SORCS2: variants seen among roughly 807,000 people sequenced by gnomAD.
SORCS2 encodes sortilin related VPS10 domain containing receptor 2.
SORCS2 carries 100 observed loss-of-function variants against 141.6 expected under a neutral mutation model. That is an observed-to-expected ratio of 0.71 (90% CI 0.60 to 0.83). The LOEUF is 0.83. Ranked by LOEUF, SORCS2 falls within the 40% of genes least tolerant of loss-of-function variation. The pLI, the probability that SORCS2 is intolerant of heterozygous loss-of-function variation, is 0.00. For missense variants in SORCS2, 1,646 were observed against 1,560.2 expected, an observed-to-expected ratio of 1.05 and a Z score of -0.93; for synonymous variants, 789 against 676.9, an observed-to-expected ratio of 1.17 and a Z score of -2.57.
intron 3 of SORCS2, among the ~76,000 whole-genome samples, chr4:7,592,419 G>A (rs1467153416): frequency 6.6e-6 from 1 of 152,196 alleles, no homozygotes; most frequent in African/African-American, 2.4e-5. Flanking sequence ...TCAGTGGACA[G>A]CATGACCAGT....
At chr4:7,544,111 TCCATCCAC>T (rs1279258530) in intron 3 of SORCS2, among the ~76,000 whole-genome samples, 2 of 147,994 alleles carry the variant, frequency 1.4e-5, no homozygotes, top group Middle Eastern at 3.6e-3. Context: ...CATCCACCCA[TCCATCCAC>T]CCATCCACTC....
intron 1 of SORCS2, among the ~76,000 whole-genome samples, chr4:7,259,636 C>T (rs900279761): frequency 6.6e-6 from 1 of 152,218 alleles, no homozygotes; most frequent in African/African-American, 2.4e-5. Context: ...GCAGTACCCG[C>T]CTCCCCTCCT....
intron 2 of SORCS2, among the ~76,000 whole-genome samples, chr4:7,444,729 C>T (rs183917230): frequency 3.3e-5 from 5 of 152,250 alleles, no homozygotes; most frequent in African/African-American, 1.2e-4. Context: ...GGGAGCATGC[C>T]GAGGAGGAGT....
intron 4 of SORCS2, among the ~76,000 whole-genome samples, chr4:7,651,141 C>T (rs1184255040): frequency 2.0e-5 from 3 of 152,162 alleles, no homozygotes. Flanking sequence ...TGCAAATGAA[C>T]ACCGAGCCAG....
In SORCS2 at chr4:7,642,149, C is replaced by T. The variant is rs115124181; in HGVS notation, c.813+3657C>T. 7.2e-3 allele frequency among the ~76,000 whole-genome samples: 1,099 copies of T among 152,340 alleles called. 15 individuals carry two copies. Among genetic ancestry groups the T allele is most frequent in the African/African-American group, 0.025 (1,025 of 41,578 alleles). ...AATGGAGATTCCTGGCTGTCCTTTGCCATGGCTCTCGACAGGACCTGGCCT... is the reference window on the plus strand; with the variant it reads ...AATGGAGATTCCTGGCTGTCCTTTGTCATGGCTCTCGACAGGACCTGGCCT... On this transcript the variant is annotated intron_variant, in intron 4 of 26. Coordinates refer to ENST00000507866, the MANE Select transcript of SORCS2 (RefSeq NM_020777.3).
At chr4:7,257,145 T>A (rs148096910) in intron 1 of SORCS2, among the ~76,000 whole-genome samples, 1,937 of 152,174 alleles carry the variant, frequency 0.013, 28 homozygotes, top group Middle Eastern at 0.024. Context: ...CCGGGCTCCC[T>A]CGGGCCCTGG....
chr4:7,240,945 A>T (rs975079422), intron 1 of SORCS2, among the ~76,000 whole-genome samples: 13 of 152,038 alleles, frequency 8.6e-5, no homozygotes, highest in South Asian at 2.1e-4. Flanking sequence ...TATTATTATT[A>T]TTTTTTGAGG....
chr4:7,446,767 CA>C (rs1728029087), intron 2 of SORCS2, among the ~76,000 whole-genome samples: 2 of 152,190 alleles, frequency 1.3e-5, no homozygotes, highest in Admixed American at 1.3e-4. Context: ...CAGTGGCCAC[CA>C]GGGGCAATTG....
intron 11 of SORCS2, among the ~76,000 whole-genome samples, chr4:7,690,168 T>G (rs1045815128): frequency 6.7e-6 from 1 of 149,010 alleles, no homozygotes; most frequent in African/African-American, 2.5e-5. Flanking sequence ...GGTGGATGGA[T>G]GAGTGGATAG....
intron 2 of SORCS2, chr4:7,434,313 C>A (rs750875981): frequency 6.2e-7 from 1 of 1,611,570 alleles, no homozygotes; most frequent in South Asian, 1.1e-5. Flanking sequence ...GGGAGACCTG[C>A]CGTACACAGT....
At chr4:7,317,056 A>G (rs1718608068) in intron 1 of SORCS2, among the ~76,000 whole-genome samples, 1 of 152,146 alleles carries the variant, frequency 6.6e-6, no homozygotes. Context: ...AGAGTCAGAG[A>G]CTGTTGGGAC....
intron 2 of SORCS2, among the ~76,000 whole-genome samples, chr4:7,506,172 C>T (rs1416578923): frequency 6.6e-6 from 1 of 152,104 alleles, no homozygotes; most frequent in Non-Finnish European, 1.5e-5. Context: ...GTCCTGTGTG[C>T]GAGAGTCCCA....
chr4:7,275,956 A>G (rs1715471180), intron 1 of SORCS2, among the ~76,000 whole-genome samples: 1 of 152,188 alleles, frequency 6.6e-6, no homozygotes, highest in Non-Finnish European at 1.5e-5. Context: ...CATCCAGGCA[A>G]GTGCCTGGAC....
intron 4 of SORCS2, among the ~76,000 whole-genome samples, 177 bp from the exon 5 acceptor site, chr4:7,653,957 C>G (rs975684540): frequency 8.5e-5 from 13 of 152,354 alleles, no homozygotes; most frequent in Admixed American, 8.5e-4. Context: ...AATGGTTCCT[C>G]CTGGAGGCGG....
intron 1 of SORCS2, among the ~76,000 whole-genome samples, chr4:7,341,546 C>T (rs889037097): frequency 2.6e-5 from 4 of 152,136 alleles, no homozygotes. Flanking sequence ...GCCCATGCTG[C>T]CTGGATGAAC....
chr4:7,368,015 A>T (rs1387274066), intron 1 of SORCS2, among the ~76,000 whole-genome samples: 1 of 152,000 alleles, frequency 6.6e-6, no homozygotes, highest in Non-Finnish European at 1.5e-5. Flanking sequence ...CTTCATGGAG[A>T]CTTAGGGGAT....
At chr4:7,426,451 G>A (rs1285493555) in intron 2 of SORCS2, among the ~76,000 whole-genome samples, 3 of 152,218 alleles carry the variant, frequency 2.0e-5, no homozygotes, top group African/African-American at 4.8e-5. Flanking sequence ...TGTAGGCCAG[G>A]TGTGGCTCAC....
At chr4:7,667,356 G>A in intron 8 of SORCS2, 143 bp downstream of exon 8, 1 of 732,672 alleles carries the variant, frequency 1.4e-6, no homozygotes, top group African/African-American at 1.7e-5. Context: ...TCGTCCAGCT[G>A]CTCACCCCTC....
chr4:7,600,429 C>A (rs73090848), intron 3 of SORCS2, among the ~76,000 whole-genome samples: 10,132 of 152,142 alleles, frequency 0.067, 515 homozygotes, highest in African/African-American at 0.13. Context: ...GCCTCAGAAA[C>A]AGCACCGTCC....
Sources: allele counts gnomAD v4.1 joint callset (sites outside exome capture counted in the v4.1 genomes callset), GRCh38; gene constraint gnomAD v4.1.1; transcripts MANE v1.5; gene names NCBI Gene and HGNC (gene_info 2026-07-23, HGNC 2026-07-21).